STPG2: variants seen among roughly 807,000 people sequenced by gnomAD.
STPG2 encodes sperm tail PG-rich repeat containing 2.
In STPG2, 56 loss-of-function variants were observed where a neutral mutation model predicts 54.2. The ratio of observed to expected loss-of-function variants is 1.03; its 90% CI spans 0.83 to 1.29. The LOEUF is 1.29. STPG2 is among the 50% of genes most tolerant of loss of function. The pLI, the probability that STPG2 is intolerant of heterozygous loss-of-function variation, is 0.00. For missense variants in STPG2, 596 were observed against 544.9 expected (o/e 1.09, Z -0.93); for synonymous variants, 200 against 181.8 (o/e 1.10, Z -0.81).
chr4:97,886,729 T>C (rs531228527), intron 8 of STPG2, among the ~76,000 whole-genome samples: 1 of 152,216 alleles, frequency 6.6e-6, no homozygotes, highest in Non-Finnish European at 1.5e-5. Flanking sequence ...ATTTGGTTAT[T>C]GATATGGTTT....
chr4:98,003,069 G>C (rs1246970419), intron 5 of STPG2, among the ~76,000 whole-genome samples: 1 of 151,978 alleles, frequency 6.6e-6, no homozygotes, highest in Non-Finnish European at 1.5e-5. Flanking sequence ...TACTTAATTA[G>C]AAAATTCTGA....
At chr4:97,720,525 A>G (rs1724416709) in intron 9 of STPG2, among the ~76,000 whole-genome samples, 1 of 152,014 alleles carries the variant, frequency 6.6e-6, no homozygotes, top group African/African-American at 2.4e-5. Flanking sequence ...CCAAACAAAT[A>G]TCATATTAAT....
chr4:97,779,644 T>A (rs1158822789), intron 9 of STPG2, among the ~76,000 whole-genome samples: 1 of 152,040 alleles, frequency 6.6e-6, no homozygotes, highest in Non-Finnish European at 1.5e-5. Context: ...TTCACCAAAG[T>A]TCAAATGAAA....
chr4:98,117,847 T>G (rs534735609), intron 3 of STPG2, among the ~76,000 whole-genome samples: 2 of 152,240 alleles, frequency 1.3e-5, no homozygotes, highest in East Asian at 3.9e-4. Context: ...CATTTAGTTC[T>G]TCAGACATAG....
In STPG2 at chr4:97,932,304, T is replaced by C. The variant is rs1426213953; in HGVS notation, c.1044+11593A>G. 3.3e-5 allele frequency among the ~76,000 whole-genome samples: 5 copies of C among 152,176 alleles called. No individual in the cohort carries two copies. The South Asian group carries it at 1.0e-3, about 32-fold the overall frequency. On this transcript the variant is annotated intron_variant, in intron 8 of 10. Coordinates refer to ENST00000295268, the MANE Select transcript of STPG2 (RefSeq NM_174952.3). ...AGTTTTGGGGTTGATTTATCCTTGA[T>C]TCTCTAATTTTTCAAGTTGTGAAGT...
intron 4 of STPG2, among the ~76,000 whole-genome samples, chr4:97,450,810 T>C (rs1011781318): frequency 6.6e-6 from 1 of 152,228 alleles, no homozygotes; most frequent in Non-Finnish European, 1.5e-5. Context: ...TTATTGCTTT[T>C]TGGAAAATCA....
At chr4:97,727,054 A>T (rs1328893757) in intron 9 of STPG2, among the ~76,000 whole-genome samples, 1 of 151,974 alleles carries the variant, frequency 6.6e-6, no homozygotes, top group Admixed American at 6.6e-5. Context: ...TTCATTCTGA[A>T]ATATCTGAGT....
At chr4:97,783,086 T>G (rs991057571) in intron 9 of STPG2, among the ~76,000 whole-genome samples, 2 of 152,230 alleles carry the variant, frequency 1.3e-5, no homozygotes, top group Non-Finnish European at 2.9e-5. Flanking sequence ...AAATTGGATC[T>G]AATTAAATTA....
intron 5 of STPG2, among the ~76,000 whole-genome samples, chr4:98,103,708 G>T (rs1391390559): frequency 6.6e-6 from 1 of 151,170 alleles, no homozygotes; most frequent in Non-Finnish European, 1.5e-5. Context: ...TTTCATTTTT[G>T]AATCTCTATC....
At chr4:97,918,021 A>T (rs1181922644) in intron 8 of STPG2, among the ~76,000 whole-genome samples, 1 of 152,176 alleles carries the variant, frequency 6.6e-6, no homozygotes, top group East Asian at 1.9e-4. Flanking sequence ...CTCTGCATTT[A>T]ACAAATAAAC....
At chr4:97,540,716 C>A (rs1404561251) in intron 4 of STPG2, among the ~76,000 whole-genome samples, 1 of 152,062 alleles carries the variant, frequency 6.6e-6, no homozygotes, top group African/African-American at 2.4e-5. Flanking sequence ...ATGCAAAAAT[C>A]CTCACTAAAT....
At chr4:97,628,211 G>A (rs1508475) in intron 10 of STPG2, among the ~76,000 whole-genome samples, 97,092 of 151,962 alleles carry the variant, frequency 0.64, 31,391 homozygotes, top group African/African-American at 0.73. Context: ...CTGTGTGTAA[G>A]GAGGTATTGC....
chr4:97,924,630 G>A (rs910344755), intron 8 of STPG2, among the ~76,000 whole-genome samples: 1 of 152,048 alleles, frequency 6.6e-6, no homozygotes, highest in African/African-American at 2.4e-5. Context: ...ACTAATGCAA[G>A]GTTTACTCTT....
intron 5 of STPG2, among the ~76,000 whole-genome samples, chr4:98,096,670 A>T (rs1738869059): frequency 6.6e-6 from 1 of 152,118 alleles, no homozygotes; most frequent in African/African-American, 2.4e-5. Flanking sequence ...ACAAAAGATT[A>T]ATGAAACAAA....
intron 10 of STPG2, among the ~76,000 whole-genome samples, chr4:97,611,251 A>G (rs1184615383): frequency 1.3e-5 from 2 of 151,768 alleles, no homozygotes; most frequent in Non-Finnish European, 2.9e-5. Context: ...GGTGGTCAAG[A>G]AAACCATGAT....
At chr4:97,740,573 C>A (rs938884343) in intron 9 of STPG2, among the ~76,000 whole-genome samples, 67 of 152,140 alleles carry the variant, frequency 4.4e-4, no homozygotes, top group African/African-American at 1.5e-3. Context: ...CAATAACAGA[C>A]AAACAGAGAG....
Position 97,782,284 on chromosome 4 carries a change from A to T in STPG2, c.1204+58489T>A, listed in dbSNP as rs959238186. ...AAAATCACAAGCATTCTTATACACC[A>T]ATAACAGACAGAGAGCCATATCATG... On this transcript the variant is annotated intron_variant, in intron 9 of 10. Transcript: ENST00000295268. 2.6e-5 allele frequency among the ~76,000 whole-genome samples: 4 copies of T among 152,234 alleles called. No individual in the cohort carries two copies. The South Asian group carries it at 8.3e-4, about 31-fold the overall frequency.
intron 10 of STPG2, among the ~76,000 whole-genome samples, chr4:97,666,511 T>A (rs1442574119): frequency 1.3e-5 from 2 of 152,242 alleles, no homozygotes; most frequent in Non-Finnish European, 2.9e-5. Flanking sequence ...GAAATTAGGA[T>A]AAGAAGATGC....
At chr4:98,084,535 A>C (rs1239957400) in intron 5 of STPG2, among the ~76,000 whole-genome samples, 1 of 152,190 alleles carries the variant, frequency 6.6e-6, no homozygotes, top group Non-Finnish European at 1.5e-5. Context: ...AAACTGTCCA[A>C]ATTTTTCCAG....
Sources: gnomAD v4.1 joint callset for allele counts (sites outside exome capture counted in the v4.1 genomes callset) on GRCh38, gnomAD v4.1.1 for gene constraint, MANE v1.5 for transcripts, NCBI Gene and HGNC (gene_info 2026-07-23, HGNC 2026-07-21) for gene names.